Variants in GCSAML observed in about 807,000 individuals in gnomAD.
GCSAML encodes germinal center-associated signaling and motility-like protein.
Under a neutral mutation model 13.0 loss-of-function variants are expected in GCSAML, and 9 were observed. The observed-to-expected ratio is 0.69, with a 90% CI of 0.42 to 1.21. GCSAML has a LOEUF of 1.21. Ranked by LOEUF, GCSAML falls within the 50% of genes most tolerant of loss-of-function variation. The probability of loss-of-function intolerance (pLI) is 0.00; values close to 1 mark genes in which losing one functional copy is unlikely to be tolerated. For missense variants in GCSAML, 143 were observed against 153.4 expected, an observed-to-expected ratio of 0.93 and a Z score of 0.36; for synonymous variants, 37 against 52.9, an observed-to-expected ratio of 0.70 and a Z score of 1.31.
rs1336748315 is a variant in GCSAML at position 247,536,139 on chromosome 1, C to T, written c.-148+9085C>T. 3.3e-5 allele frequency: 5 copies of T among 152,158 alleles called. No homozygotes were observed. In the South Asian group the frequency reaches 1.0e-3, roughly 31 times the overall value. The allele number at this position is 152,158 out of a possible 1,614,324, so 9.4% of individuals were successfully genotyped here. ...TACCATAAACAACAACAACAACAAACAAACGACAAAATTCAAAATGTCACT... is the reference window on the plus strand; with the variant it reads ...TACCATAAACAACAACAACAACAAATAAACGACAAAATTCAAAATGTCACT... On this transcript the variant is annotated intron_variant, in intron 2 of 5. Transcript: ENST00000366489.
At chr1:247,552,566 T>G (rs773839516) in intron 1 of GCSAML, among the ~76,000 whole-genome samples, 1 of 152,238 alleles carries the variant, frequency 6.6e-6, no homozygotes, top group Non-Finnish European at 1.5e-5. Context: ...GCAGTGTCCA[T>G]CACATACCCT....
At chr1:247,531,835 ACGGCC>A in intron 2 of GCSAML, 1 of 1,614,128 alleles carries the variant, frequency 6.2e-7, no homozygotes, top group South Asian at 1.1e-5. Context: ...GATCTTCAAC[ACGGCC>A]CGGGCAATGT....
rs1276609171 is a variant in GCSAML at position 247,577,572 on chromosome 1, T to C, written c.*3190T>C. On this transcript the variant is annotated 3_prime_UTR_variant, in exon 5 of 5. Coordinates refer to ENST00000366488, the MANE Select transcript of GCSAML (RefSeq NM_145278.5). ...TGTACATCTTACTTGTCTCAGCATA[T>C]CACCATATAGATATACTATAATTTG... 6.6e-6 allele frequency: 1 copy of C among 152,212 alleles called. No homozygotes were observed. The highest frequency in any genetic ancestry group is 1.5e-5 in the Non-Finnish European group (1 of 68,030). The allele number at this position is 152,212 out of a possible 1,614,324, so 9.4% of individuals were successfully genotyped here. A position where few individuals can be genotyped will look rare whatever the true frequency, so the allele number is the denominator to read the frequency against.
chr1:247,561,809 G>A (rs534707045), intron 2 of GCSAML, among the ~76,000 whole-genome samples: 25 of 152,228 alleles, frequency 1.6e-4, no homozygotes, highest in African/African-American at 5.8e-4. Context: ...GCGTGTATGC[G>A]TGTGTGTTTA....
intron 4 of GCSAML, 106 bp from the exon 5 acceptor site, chr1:247,574,037 T>A: frequency 7.8e-7 from 1 of 1,283,708 alleles, no homozygotes; most frequent in Non-Finnish European, 1.1e-6. Context: ...ATACCTTAAG[T>A]GTAAGAGCAC....
chr1:247,554,222 G>T (rs188957511), intron 1 of GCSAML, among the ~76,000 whole-genome samples: 13 of 152,164 alleles, frequency 8.5e-5, no homozygotes, highest in Admixed American at 6.5e-4. Flanking sequence ...TGTTATTCAT[G>T]TGTCAGTTTT....
chr1:247,550,496 G>A (rs1442691018), intron 1 of GCSAML, among the ~76,000 whole-genome samples: 1 of 152,068 alleles, frequency 6.6e-6, no homozygotes, highest in African/African-American at 2.4e-5. Flanking sequence ...AATTAGCCGG[G>A]CGTGGTGGTG....
At chr1:247,557,441 T>C (rs180762008) in intron 2 of GCSAML, among the ~76,000 whole-genome samples, 1 of 152,242 alleles carries the variant, frequency 6.6e-6, no homozygotes, top group African/African-American at 2.4e-5. Flanking sequence ...ACACCCTGCC[T>C]TGTTGGTTAA....
chr1:247,558,368 G>A (rs1445701539), intron 2 of GCSAML, among the ~76,000 whole-genome samples: 3 of 152,146 alleles, frequency 2.0e-5, no homozygotes, highest in Non-Finnish European at 4.4e-5. Context: ...AGGACAGTAT[G>A]AGCTCTTTCA....
intron 2 of GCSAML, among the ~76,000 whole-genome samples, chr1:247,543,070 C>T (rs569429133): frequency 1.1e-3 from 160 of 152,326 alleles, no homozygotes; most frequent in Non-Finnish European, 2.0e-3. Context: ...CAGGGAGCAC[C>T]AAGCTGGCCT....
chr1:247,549,289 C>A (rs754168684), intron 1 of GCSAML, 69 bp downstream of exon 1: 21 of 1,355,212 alleles, frequency 1.5e-5, no homozygotes, highest in Non-Finnish European at 2.2e-5. Context: ...CTGGACATAA[C>A]GCATTTGTAA....
At chr1:247,547,831 G>T (rs962944878), upstream of GCSAML, among the ~76,000 whole-genome samples, 1 of 152,158 alleles carries the variant, frequency 6.6e-6, no homozygotes, top group Non-Finnish European at 1.5e-5. Flanking sequence ...ATTTTAACAG[G>T]ATCCTCGGGT....
At chr1:247,548,451 A>G (rs187916536), upstream of GCSAML, among the ~76,000 whole-genome samples, 162 of 152,152 alleles carry the variant, frequency 1.1e-3, no homozygotes, top group African/African-American at 3.7e-3. This position sits in a 1 kb window ranked among gnomAD's most constrained non-coding sequence, Gnocchi z 5.3. Context: ...TGGCTTCTTA[A>G]CCTACCCCAA....
intron 2 of GCSAML, chr1:247,532,638 C>G: frequency 1.0e-6 from 1 of 952,476 alleles, no homozygotes; most frequent in South Asian, 1.7e-5. Context: ...TTATGTTATT[C>G]TTTTTTAGAG....
At chr1:247,563,510 C>A in intron 2 of GCSAML, 80 bp from the exon 3 acceptor site, 2 of 766,728 alleles carry the variant, frequency 2.6e-6, no homozygotes, top group Non-Finnish European at 4.4e-6. Context: ...AGGTTAAGGG[C>A]AACCAAATGC....
At position 247,574,395 on chromosome 1, in the gene GCSAML, G is replaced by T. The variant is rs1359695641; in HGVS notation, c.*13G>T. 1 of 1,612,918 alleles carries T rather than the reference G, an allele frequency of 6.2e-7. No individual in the cohort carries two copies. The highest frequency in any genetic ancestry group is 8.5e-7 in the Non-Finnish European group (1 of 1,179,370). On this transcript the variant is annotated 3_prime_UTR_variant, in exon 5 of 5. Transcript: ENST00000366488. Reference sequence around the variant, plus strand: ...GTTTCCACACTAAAATCCTCAAGCTGCTTTATCACCTTCCAGCAATGAAGA... The same window carrying T: ...GTTTCCACACTAAAATCCTCAAGCTTCTTTATCACCTTCCAGCAATGAAGA...
At chr1:247,571,793 T>C (rs1433295847) in intron 4 of GCSAML, among the ~76,000 whole-genome samples, 1 of 152,228 alleles carries the variant, frequency 6.6e-6, no homozygotes, top group African/African-American at 2.4e-5. Flanking sequence ...CTGAAGTGTG[T>C]TTTCCAACTT....
At chr1:247,567,736 C>T (rs923830296) in intron 4 of GCSAML, among the ~76,000 whole-genome samples, 1 of 152,160 alleles carries the variant, frequency 6.6e-6, no homozygotes, top group Admixed American at 6.5e-5. Flanking sequence ...AGTTCTAGAT[C>T]CTTGAGGAAT....
chr1:247,530,230 T>G (rs974726579), intron 2 of GCSAML: 2 of 152,212 alleles, frequency 1.3e-5, no homozygotes, highest in Admixed American at 1.3e-4. Context: ...GGTCTTCCCA[T>G]GCCTTTGAAT....
Sources: gnomAD v4.1 joint callset for allele counts (sites outside exome capture counted in the v4.1 genomes callset) on GRCh38, gnomAD v4.1.1 for gene constraint, Gnocchi (gnomAD v3.1) non-coding constraint, MANE v1.5 for transcripts, NCBI Gene and HGNC (gene_info 2026-07-23, HGNC 2026-07-21) for gene names.